The following PARVB variants were observed in gnomAD, a reference collection of about 807,000 sequenced individuals.
PARVB encodes the protein beta-parvin.
In PARVB, 46 loss-of-function variants were observed where a neutral mutation model predicts 47.0. The observed-to-expected ratio is 0.98, with a 90% confidence interval of 0.77 to 1.25. The LOEUF (loss-of-function observed/expected upper bound fraction) is 1.25, where lower values mean the gene tolerates loss of function less well. Ranked by LOEUF, PARVB falls within the 50% of genes most tolerant of loss-of-function variation. The pLI is 0.00. For missense variants in PARVB, 473 were observed against 471.6 expected, an observed-to-expected ratio of 1.00 and a Z score of -0.03; for synonymous variants, 196 against 196.3, an observed-to-expected ratio of 1.00 and a Z score of 0.01.
intron 8 of PARVB, chr22:44,147,511 G>A (rs1011828948): frequency 5.1e-6 from 2 of 388,456 alleles, no homozygotes; most frequent in Non-Finnish European, 1.0e-5. Flanking sequence ...AGGAGTGTGG[G>A]AACAGGGAGA....
intron 1 of PARVB, among the ~76,000 whole-genome samples, chr22:44,059,860 CGT>C (rs955896000): frequency 1.3e-4 from 20 of 152,234 alleles, no homozygotes; most frequent in African/African-American, 4.8e-4. Flanking sequence ...TTTGGCGGGG[CGT>C]GTTTGCTCAG....
chr22:44,158,751 G>A (rs995893496), intron 11 of PARVB, among the ~76,000 whole-genome samples: 1 of 152,242 alleles, frequency 6.6e-6, no homozygotes, highest in African/African-American at 2.4e-5. Flanking sequence ...CCGCAGCCAA[G>A]CCTCTCACAG....
rs80070626 is a variant in PARVB, at chr22:44,083,887, T to A, written c.113-10041T>A. Among the ~76,000 whole-genome samples, 736 of 152,228 alleles carry A rather than the reference T, an allele frequency of 4.8e-3. 8 individuals carry two copies. Among genetic ancestry groups the A allele is most frequent in the African/African-American group, 0.016 (665 of 41,536 alleles). On this transcript the variant is annotated intron_variant, in intron 1 of 12. Transcript: ENST00000338758. The stretch of plus-strand genomic sequence containing the variant: ...TCTACATCAGACAGGACTCTCTTGG[T>A]TTGCAAAGGACAGAAAACCCAACTC...
chr22:44,042,158 A>C (rs556260593), intron 1 of PARVB, among the ~76,000 whole-genome samples: 259 of 152,308 alleles, frequency 1.7e-3, no homozygotes, highest in Admixed American at 4.2e-3. Context: ...GCGGTGGCTC[A>C]TGCCTGTAAT....
chr22:44,034,677 C>T (rs980418713), intron 1 of PARVB, among the ~76,000 whole-genome samples: 9 of 49,650 alleles, frequency 1.8e-4, no homozygotes, highest in African/African-American at 3.9e-4. Flanking sequence ...GAGGCACTGA[C>T]CCCCATGCAG....
chr22:44,044,525 G>A (rs1013703196), intron 1 of PARVB, among the ~76,000 whole-genome samples: 28 of 151,872 alleles, frequency 1.8e-4, no homozygotes, highest in Middle Eastern at 3.4e-3. Flanking sequence ...TCGCTCTGTC[G>A]CCCAGGCTGG....
At chr22:44,148,480 A>G (rs1329313502) in intron 9 of PARVB, 1 of 163,372 alleles carries the variant, frequency 6.1e-6, no homozygotes, top group East Asian at 1.7e-4. Context: ...GTCAAAAGGA[A>G]CTGGAGCCCA....
chr22:44,062,140 G>A (rs2051431393), intron 1 of PARVB, among the ~76,000 whole-genome samples: 1 of 152,180 alleles, frequency 6.6e-6, no homozygotes, highest in Non-Finnish European at 1.5e-5. Flanking sequence ...TCTGACACCA[G>A]AGGTGCAGGG....
At chr22:44,035,336 T>C (rs2050900387) in intron 1 of PARVB, among the ~76,000 whole-genome samples, 1 of 151,704 alleles carries the variant, frequency 6.6e-6, no homozygotes, top group South Asian at 2.1e-4. Flanking sequence ...TTCAGCTTCT[T>C]GGAATGTCAC....
chr22:44,153,246 G>A (rs2053848556), intron 10 of PARVB: 1 of 152,172 alleles, frequency 6.6e-6, no homozygotes, highest in Non-Finnish European at 1.5e-5. Flanking sequence ...CTCTTTTTCT[G>A]GAGACCTCCC....
chr22:44,016,309 G>A (rs1251424864), intron 2 of PARVB, among the ~76,000 whole-genome samples: 4 of 151,820 alleles, frequency 2.6e-5, no homozygotes, highest in Non-Finnish European at 5.9e-5. Flanking sequence ...TGTTAGCCAG[G>A]ATGGTCTCGA....
chr22:44,016,307 A>G (rs549084850), intron 2 of PARVB, among the ~76,000 whole-genome samples: 51 of 151,932 alleles, frequency 3.4e-4, no homozygotes, highest in African/African-American at 1.1e-3. Context: ...CGTGTTAGCC[A>G]GGATGGTCTC....
At chr22:44,079,061 A>G (rs2051840956) in intron 1 of PARVB, among the ~76,000 whole-genome samples, 1 of 152,112 alleles carries the variant, frequency 6.6e-6, no homozygotes, top group Non-Finnish European at 1.5e-5. Flanking sequence ...TGCAGTAGAG[A>G]GAATGGTAGA....
chr22:44,140,250 G>T, intron 8 of PARVB, 107 bp downstream of exon 8: 2 of 1,083,520 alleles, frequency 1.8e-6, no homozygotes, highest in Non-Finnish European at 2.9e-6. Flanking sequence ...AACTAGATGG[G>T]TCTCACTGCC....
In PARVB at chr22:44,168,818, C is replaced by T; in HGVS notation, c.*140C>T. Reference sequence around the variant, plus strand: ...ACTGTCATCCCCACCCCACCCCTACCTCACGCCTGCCCCACCCCCTGCCTC... The same window carrying T: ...ACTGTCATCCCCACCCCACCCCTACTTCACGCCTGCCCCACCCCCTGCCTC... On this transcript the variant is annotated 3_prime_UTR_variant, in exon 13 of 13. Coordinates refer to ENST00000338758, the MANE Select transcript of PARVB (RefSeq NM_013327.5). 1.6e-6 allele frequency: 1 copy of T among 615,514 alleles called. No homozygotes were observed. Among genetic ancestry groups the T allele is most frequent in the Non-Finnish European group, 2.9e-6 (1 of 340,204 alleles). The allele number at this position is 615,514 out of a possible 1,614,324, so 38.1% of individuals were successfully genotyped here.
Position 44,151,551 on chromosome 22 carries a change from G to C in PARVB, c.843G>C (p.Gln281His), listed in dbSNP as rs903355257. 18 of 1,611,844 alleles carry C rather than the reference G, an allele frequency of 1.1e-5. No individual in the cohort carries two copies. Among genetic ancestry groups the C allele is most frequent in the Non-Finnish European group, 1.5e-5 (18 of 1,177,908 alleles). Residue 281 changes from glutamine (Q) to histidine (H), a missense_variant and splice_region_variant, in exon 10 of 13, where the codon CAG (glutamine) becomes CAC (histidine). Physicochemically the swap from Gln to His is conservative, Grantham distance 24. Coordinates refer to ENST00000338758, the MANE Select transcript of PARVB (RefSeq NM_013327.5). The stretch of plus-strand genomic sequence containing the variant: ...TGGAGGTGACGGAACTGGAGACCCA[G>C]GTATGTGCTGCTTTGGCTTGAAGGA... ...LNLEVTELET[Q>H]FADGVYLVLL...
intron 1 of PARVB, among the ~76,000 whole-genome samples, chr22:44,055,041 A>G (rs1230755907): frequency 6.7e-6 from 1 of 148,750 alleles, no homozygotes; most frequent in Non-Finnish European, 1.5e-5. Flanking sequence ...TATGTATTTT[A>G]TGTTAAATGT....
intron 8 of PARVB, chr22:44,143,898 C>T (rs764994203): frequency 6.6e-6 from 1 of 152,372 alleles, no homozygotes; most frequent in East Asian, 1.9e-4. Flanking sequence ...TCTCTTCCCC[C>T]TCATTGTAAC....
intron 4 of PARVB, among the ~76,000 whole-genome samples, chr22:44,124,973 C>T (rs556267463): frequency 1.3e-5 from 2 of 152,046 alleles, no homozygotes; most frequent in South Asian, 2.1e-4. Context: ...CTGTAGCTGC[C>T]TCTGGACAGA....
Sources: allele counts gnomAD v4.1 joint callset (sites outside exome capture counted in the v4.1 genomes callset), GRCh38; gene constraint gnomAD v4.1.1; transcripts MANE v1.5; gene names NCBI Gene and HGNC (gene_info 2026-07-23, HGNC 2026-07-21).